SAXO1: variants seen among roughly 807,000 people sequenced by gnomAD.
The protein encoded by SAXO1 is 4930500O09Rik.
Under a neutral mutation model 17.5 loss-of-function variants are expected in SAXO1, and 21 were observed. The observed-to-expected ratio is 1.20, with a 90% CI of 0.85 to 1.72. SAXO1 has a LOEUF of 1.72. Ranked by LOEUF, SAXO1 falls within the 40% of genes most tolerant of loss-of-function variation. The pLI, the probability that SAXO1 is intolerant of heterozygous loss-of-function variation, is 0.00. For synonymous variants in SAXO1, 274 were observed against 216.5 expected (o/e 1.27, Z -2.33); for missense variants, 843 against 596.0 (o/e 1.41, Z -4.32).
At chr9:19,000,005 C>T (rs1274231859) in intron 1 of SAXO1, among the ~76,000 whole-genome samples, 3 of 144,584 alleles carry the variant, frequency 2.1e-5, no homozygotes, top group South Asian at 2.3e-4. Context: ...CACCTCTGCC[C>T]GGCTGTCCCA....
intron 1 of SAXO1, among the ~76,000 whole-genome samples, chr9:18,991,665 T>C (rs762865484): frequency 1.2e-4 from 18 of 152,304 alleles, no homozygotes; most frequent in South Asian, 2.1e-4. Context: ...TGTATACCTA[T>C]GTACCAAACC....
At chr9:19,009,665 A>G (rs1834643562) in intron 1 of SAXO1, among the ~76,000 whole-genome samples, 2 of 152,144 alleles carry the variant, frequency 1.3e-5, no homozygotes, top group Non-Finnish European at 2.9e-5. Flanking sequence ...TTATTCCCCA[A>G]GTGGAAGCAC....
Position 18,937,008 on chromosome 9 carries a change from T to C in SAXO1, c.421+4629A>G, listed in dbSNP as rs547304629. Among the ~76,000 whole-genome samples the C allele has an allele frequency of 1.2e-4, 18 of 152,364 alleles. No homozygotes were observed. In the South Asian group the frequency reaches 2.3e-3, roughly 19 times the overall value. ...TCTAGATGGCACCCACTGAAACATGTATTTAATAACCTTGGTCTTTGGTTT... is the reference window on the plus strand; with the variant it reads ...TCTAGATGGCACCCACTGAAACATGCATTTAATAACCTTGGTCTTTGGTTT... On this transcript the variant is annotated intron_variant, in intron 3 of 3. Transcript: ENST00000380534.
chr9:19,024,875 G>A (rs1835409272), intron 1 of SAXO1, among the ~76,000 whole-genome samples: 1 of 152,128 alleles, frequency 6.6e-6, no homozygotes, highest in African/African-American at 2.4e-5. Flanking sequence ...TAATATCAAT[G>A]GAGGGAATGA....
At chr9:19,016,222 G>C (rs910369051) in intron 1 of SAXO1, among the ~76,000 whole-genome samples, 9 of 152,284 alleles carry the variant, frequency 5.9e-5, no homozygotes, top group African/African-American at 2.2e-4. Flanking sequence ...GATCCACTGA[G>C]GTCGGGAGTT....
intron 3 of SAXO1, among the ~76,000 whole-genome samples, chr9:18,931,087 A>G (rs1690492086): frequency 6.6e-6 from 1 of 152,210 alleles, no homozygotes; most frequent in African/African-American, 2.4e-5. Flanking sequence ...AGTGACTTTT[A>G]TGGAGTTGTA....
chr9:18,932,165 G>A (rs1831082333), intron 3 of SAXO1, among the ~76,000 whole-genome samples: 1 of 152,054 alleles, frequency 6.6e-6, no homozygotes, highest in Non-Finnish European at 1.5e-5. Flanking sequence ...GTTTTATTTT[G>A]AAACATTTAT....
intron 1 of SAXO1, chr9:19,027,552 G>A (rs1835544835): frequency 8.3e-7 from 1 of 1,199,568 alleles, no homozygotes; most frequent in Admixed American, 1.7e-5. Context: ...GCCTGGGCCT[G>A]TAGGGCACAG....
chr9:18,993,892 C>A (rs1253997974), intron 1 of SAXO1, among the ~76,000 whole-genome samples: 1 of 152,260 alleles, frequency 6.6e-6, no homozygotes, highest in South Asian at 2.1e-4. Flanking sequence ...AGAATCCTAA[C>A]CCCCAACTCA....
chr9:18,930,768 G>A (rs547810372), intron 3 of SAXO1, among the ~76,000 whole-genome samples: 29 of 152,290 alleles, frequency 1.9e-4, no homozygotes, highest in African/African-American at 6.0e-4. Flanking sequence ...CAAAGTGCTG[G>A]GATCACAGGC....
Position 19,026,933 on chromosome 9 carries a change from G to T in SAXO1, c.38+5938C>A, listed in dbSNP as rs965552503. 14 of 830,512 alleles carry T rather than the reference G, an allele frequency of 1.7e-5. No homozygotes were observed. The African/African-American group carries it at 2.2e-4, about 13-fold the overall frequency. The allele number at this position is 830,512 out of a possible 1,614,324, so 51.4% of individuals were successfully genotyped here. The stretch of plus-strand genomic sequence containing the variant: ...ATGAGGCCAAGCAAGATGGAACTGG[G>T]GTGGAGGTGCTCAACATGTCCACGG... On this transcript the variant is annotated intron_variant, in intron 1 of 3. Transcript: ENST00000380534.
At chr9:18,991,128 C>T (rs1833794342) in intron 1 of SAXO1, among the ~76,000 whole-genome samples, 1 of 152,088 alleles carries the variant, frequency 6.6e-6, no homozygotes. Flanking sequence ...CAAGGTGGTG[C>T]ATGCCTGTAA....
At chr9:18,989,323 C>T (rs1020738005) in intron 1 of SAXO1, among the ~76,000 whole-genome samples, 1 of 152,132 alleles carries the variant, frequency 6.6e-6, no homozygotes, top group African/African-American at 2.4e-5. Context: ...TTCAATTAAG[C>T]TCAAACTGAA....
intron 1 of SAXO1, among the ~76,000 whole-genome samples, chr9:18,961,922 C>G (rs1483294647): frequency 6.6e-6 from 1 of 152,156 alleles, no homozygotes; most frequent in Non-Finnish European, 1.5e-5. Flanking sequence ...ACACTGTCTT[C>G]CACAATGGTT....
At chr9:19,048,646 T>C (rs966954823) in intron 1 of SAXO1, among the ~76,000 whole-genome samples, 2 of 152,308 alleles carry the variant, frequency 1.3e-5, no homozygotes, top group South Asian at 4.1e-4. Flanking sequence ...GCAGCAAGAT[T>C]GTCTAAAACC....
intron 3 of SAXO1, among the ~76,000 whole-genome samples, chr9:18,933,362 T>C (rs1831138328): frequency 6.6e-6 from 1 of 152,174 alleles, no homozygotes; most frequent in African/African-American, 2.4e-5. Flanking sequence ...ATAAATCTCA[T>C]AGTTTTATAA....
Position 18,938,904 on chromosome 9 carries a change from G to T in SAXO1, c.421+2733C>A, listed in dbSNP as rs184348338. ...TAGTCTGCTGGGGAGAAGTAGGGAG[G>T]ACTTCTCTTTAAATGCTACATATAG... is the stretch of plus-strand genomic sequence containing the variant. On this transcript the variant is annotated intron_variant, in intron 3 of 3. Transcript: ENST00000380534. 1.3e-5 allele frequency among the ~76,000 whole-genome samples: 2 copies of T among 148,890 alleles called. 1 individual carries two copies. The highest frequency in any genetic ancestry group is 4.2e-4 in the South Asian group (2 of 4,730).
At chr9:19,024,587 G>A (rs1323853118) in intron 1 of SAXO1, among the ~76,000 whole-genome samples, 1 of 151,988 alleles carries the variant, frequency 6.6e-6, no homozygotes, top group Non-Finnish European at 1.5e-5. Flanking sequence ...AAAACTTAAA[G>A]TATAATAATA....
At chr9:18,943,803 G>C (rs149518073) in intron 2 of SAXO1, among the ~76,000 whole-genome samples, 11 of 152,166 alleles carry the variant, frequency 7.2e-5, no homozygotes, top group Admixed American at 3.9e-4. Flanking sequence ...CTGAGCTGCC[G>C]TGCTGAGCCC....
Sources: gnomAD v4.1 joint callset for allele counts (sites outside exome capture counted in the v4.1 genomes callset) on GRCh38, gnomAD v4.1.1 for gene constraint, MANE v1.5 for transcripts, NCBI Gene and HGNC (gene_info 2026-07-23, HGNC 2026-07-21) for gene names.